PAQR8: variants seen among roughly 807,000 people sequenced by gnomAD.
The protein encoded by PAQR8 is progestin and adipoQ receptor family member 8.
Under a neutral mutation model 25.2 loss-of-function variants are expected in PAQR8, and 17 were observed. That is an observed-to-expected ratio of 0.67 (90% CI 0.46 to 1.01). The LOEUF (loss-of-function observed/expected upper bound fraction) is 1.01. Ranked by LOEUF, PAQR8 falls within the 50% of genes least tolerant of loss-of-function variation. The pLI is 0.00. For synonymous variants in PAQR8, 204 were observed against 190.6 expected (o/e 1.07, Z -0.58); for missense variants, 392 against 448.4 (o/e 0.87, Z 1.14).
At chr6:52,364,680 C>T (rs991493505) in intron 1 of PAQR8, among the ~76,000 whole-genome samples, 14 of 152,240 alleles carry the variant, frequency 9.2e-5, no homozygotes, top group East Asian at 1.9e-4. Flanking sequence ...AGGCACTGTG[C>T]GGGGCCAACT....
At chr6:52,388,907 T>C (rs975466827) in intron 1 of PAQR8, among the ~76,000 whole-genome samples, 2 of 152,196 alleles carry the variant, frequency 1.3e-5, no homozygotes, top group Non-Finnish European at 2.9e-5. Flanking sequence ...TACAATAACA[T>C]TGGCGATGTC....
chr6:52,372,579 A>G (rs949976916), intron 1 of PAQR8, among the ~76,000 whole-genome samples: 1 of 152,098 alleles, frequency 6.6e-6, no homozygotes, highest in Non-Finnish European at 1.5e-5. Flanking sequence ...GTGTGCTAAG[A>G]GTTTTACATG....
In PAQR8 at chr6:52,403,117, T is replaced by C. The variant is rs542179685; in HGVS notation, c.-52-45T>C. 40 of 987,706 alleles carry C rather than the reference T, an allele frequency of 4.0e-5. No homozygotes were observed. In the African/African-American group the frequency reaches 5.7e-4, roughly 14 times the overall value. The allele number at this position is 987,706 out of a possible 1,614,324, so 61.2% of individuals were successfully genotyped here. On this transcript the variant is annotated intron_variant, in intron 1 of 1. Coordinates refer to ENST00000442253, the MANE Select transcript of PAQR8 (RefSeq NM_133367.5). ...AGTTCCTTGTCCGTCTTAGCTGCAT[T>C]CGTGTCTCACTGCGGCTTTGCCAAT...
intron 1 of PAQR8, among the ~76,000 whole-genome samples, chr6:52,397,247 C>T (rs146695838): frequency 3.9e-4 from 59 of 152,304 alleles, no homozygotes; most frequent in South Asian, 2.3e-3. Flanking sequence ...ACCTAGCCCA[C>T]TCCCTTCCTC....
intron 1 of PAQR8, among the ~76,000 whole-genome samples, chr6:52,383,243 A>T (rs985530941): frequency 8.5e-5 from 13 of 152,290 alleles, no homozygotes; most frequent in Admixed American, 8.5e-4. Flanking sequence ...TACATACTTG[A>T]AATATTTCAT....
At chr6:52,381,408 G>C (rs150765141) in intron 1 of PAQR8, among the ~76,000 whole-genome samples, 45 of 152,346 alleles carry the variant, frequency 3.0e-4, no homozygotes, top group African/African-American at 1.1e-3. Flanking sequence ...AGGAGTTCAA[G>C]ATCAGCCTGG....
rs536529676 is a variant in PAQR8, at chr6:52,393,087, G to A, written c.-52-10075G>A. 2.6e-4 allele frequency among the ~76,000 whole-genome samples: 39 copies of A among 152,286 alleles called. No individual in the cohort carries two copies. In the South Asian group the frequency reaches 4.6e-3, roughly 18 times the overall value. ...TTTTTGAGGCATAGTGGTTAAGAACGCAGACTTTAGAGTCAACTGCTTAGT... is the reference window on the plus strand; with the variant it reads ...TTTTTGAGGCATAGTGGTTAAGAACACAGACTTTAGAGTCAACTGCTTAGT... On this transcript the variant is annotated intron_variant, in intron 1 of 1. Transcript: ENST00000442253.
intron 1 of PAQR8, among the ~76,000 whole-genome samples, chr6:52,383,530 G>A (rs1299794902): frequency 3.3e-5 from 5 of 151,592 alleles, no homozygotes; most frequent in South Asian, 2.1e-4. Flanking sequence ...GCGTGGTGGC[G>A]GGCGCCTGTA....
intron 1 of PAQR8, among the ~76,000 whole-genome samples, chr6:52,378,744 T>C (rs1380856979): frequency 4.6e-5 from 7 of 151,098 alleles, no homozygotes; most frequent in African/African-American, 9.8e-5. Context: ...TGAGCTGAGA[T>C]TGGGCCTCTG....
intron 1 of PAQR8, among the ~76,000 whole-genome samples, chr6:52,396,092 T>C (rs867619726): frequency 6.6e-6 from 1 of 152,260 alleles, no homozygotes; most frequent in African/African-American, 2.4e-5. Context: ...TGGGGACTTC[T>C]GCACCTAACA....
At chr6:52,392,217 G>A (rs919435541) in intron 1 of PAQR8, among the ~76,000 whole-genome samples, 1 of 151,976 alleles carries the variant, frequency 6.6e-6, no homozygotes, top group African/African-American at 2.4e-5. Flanking sequence ...GGCAGTGTGC[G>A]CCCTTAGTCC....
chr6:52,382,945 C>T (rs954115405), intron 1 of PAQR8, among the ~76,000 whole-genome samples: 2 of 152,168 alleles, frequency 1.3e-5, no homozygotes, highest in Admixed American at 6.5e-5. Context: ...CCATGCTCAG[C>T]TAATTTTCTA....
chr6:52,385,643 G>T (rs73443979), intron 1 of PAQR8, among the ~76,000 whole-genome samples: 5,323 of 152,234 alleles, frequency 0.035, 302 homozygotes, highest in African/African-American at 0.12. Flanking sequence ...TAGCACTTTG[G>T]GGGGCAAGGT....
chr6:52,391,362 G>C (rs1428877649), intron 1 of PAQR8, among the ~76,000 whole-genome samples: 2 of 152,136 alleles, frequency 1.3e-5, no homozygotes, highest in African/African-American at 4.8e-5. Context: ...CTATTTTATA[G>C]ATTTATCTTA....
At chr6:52,382,538 A>C (rs372325947) in intron 1 of PAQR8, among the ~76,000 whole-genome samples, 1 of 152,242 alleles carries the variant, frequency 6.6e-6, no homozygotes, top group Admixed American at 6.5e-5. Context: ...AATAGCAACT[A>C]ATGTGGAAAA....
chr6:52,388,115 C>T (rs1009701558), intron 1 of PAQR8, among the ~76,000 whole-genome samples: 2 of 152,192 alleles, frequency 1.3e-5, no homozygotes, highest in Non-Finnish European at 2.9e-5. Flanking sequence ...GTAGCTCATG[C>T]CTGTAATCCC....
At position 52,387,410 on chromosome 6, in the gene PAQR8, T is replaced by G. The variant is rs550763557; in HGVS notation, c.-52-15752T>G. ...TTATTGGGGTCTGCCCATACCTTAT[T>G]GTTGATTTGGTTTAGGGCTTTGAAT... On this transcript the variant is annotated intron_variant, in intron 1 of 1. Coordinates refer to ENST00000442253, the MANE Select transcript of PAQR8 (RefSeq NM_133367.5). 2.0e-5 allele frequency among the ~76,000 whole-genome samples: 3 copies of G among 152,362 alleles called. No homozygotes were observed. The South Asian group carries it at 6.2e-4, about 32-fold the overall frequency.
chr6:52,368,364 C>T (rs980360808), intron 1 of PAQR8, among the ~76,000 whole-genome samples: 2 of 152,028 alleles, frequency 1.3e-5, no homozygotes, highest in Admixed American at 6.6e-5. Context: ...ATGCCCTAGC[C>T]CCACCCCAGA....
At chr6:52,364,267 A>G (rs1378611675) in intron 1 of PAQR8, among the ~76,000 whole-genome samples, 2 of 152,030 alleles carry the variant, frequency 1.3e-5, no homozygotes, top group Non-Finnish European at 2.9e-5. Flanking sequence ...TAATTATGCA[A>G]GTTAACAGGA....
Sources: allele counts gnomAD v4.1 joint callset (sites outside exome capture counted in the v4.1 genomes callset), GRCh38; gene constraint gnomAD v4.1.1; transcripts MANE v1.5; gene names NCBI Gene and HGNC (gene_info 2026-07-23, HGNC 2026-07-21).